The following GRIA1 variants were observed in gnomAD, a reference collection of about 807,000 sequenced individuals.
GRIA1 encodes glutamate receptor 1.
A neutral mutation model predicts 99.2 loss-of-function variants in GRIA1; 31 were observed. The observed-to-expected ratio is 0.31, with a 90% CI of 0.23 to 0.42. The LOEUF (loss-of-function observed/expected upper bound fraction) is 0.42. Among genes scored for constraint, GRIA1 ranks in the 10% least tolerant of loss-of-function variants. GRIA1 has a pLI of 1.00. For missense variants in GRIA1, 782 were observed against 1,157.5 expected (o/e 0.68, Z 4.71); for synonymous variants, 438 against 432.4 (o/e 1.01, Z -0.16).
rs267600501 is a variant in GRIA1, at chr5:153,811,157, A to G, written c.2653A>G (p.Lys885Glu). 36 of 1,614,018 alleles carry G rather than the reference A, an allele frequency of 2.2e-5. No individual in the cohort carries two copies. Among genetic ancestry groups the G allele is most frequent in the Non-Finnish European group, 3.1e-5 (36 of 1,180,020 alleles). Residue 885 changes from lysine (K) to glutamate (E), a missense_variant, in exon 16 of 16, where the codon AAG becomes GAG. Lys to Glu is a moderately conservative substitution (Grantham distance 56). Transcript: ENST00000285900. The stretch of plus-strand genomic sequence containing the variant: ...TCGGGTGGTCAGCCATGACTTCCCC[A>G]AGTCCATGCAATCGATTCCTTGCAT... The part of the protein sequence containing the change: ...NGRVVSHDFP[K>E]SMQSIPCMSH...
chr5:153,624,343 TG>T (rs762600281), intron 2 of GRIA1, among the ~76,000 whole-genome samples: 1 of 152,166 alleles, frequency 6.6e-6, no homozygotes, highest in Non-Finnish European at 1.5e-5. Context: ...AGGCTCACCT[TG>T]GGTTGAGGGT....
At chr5:153,629,133 G>A (rs538579542) in intron 2 of GRIA1, among the ~76,000 whole-genome samples, 1 of 152,310 alleles carries the variant, frequency 6.6e-6, no homozygotes, top group African/African-American at 2.4e-5. Context: ...TGCCCTGGAT[G>A]GTTTGCATGC....
Position 153,650,415 on chromosome 5 carries a change from G to A in GRIA1, c.546G>A (p.Glu182=), listed in dbSNP as rs1754469794. ...CAGTCAACATTTTGACAACCACAGA[G>A]GAGGGATACCGGATGCTCTTTCAGG... is the stretch of plus-strand genomic sequence containing the variant. ...VTAVNILTTT[E]EGYRMLFQDL... Residue 182 remains glutamate (E), a synonymous_variant, in exon 4 of 16, where the codon GAG becomes GAA. Transcript: ENST00000285900. 1.2e-6 allele frequency: 2 copies of A among 1,614,072 alleles called. No individual in the cohort carries two copies. Among genetic ancestry groups the A allele is most frequent in the Non-Finnish European group, 1.7e-6 (2 of 1,179,978 alleles).
chr5:153,663,143 A>C (rs960626089), intron 5 of GRIA1, among the ~76,000 whole-genome samples: 5 of 152,200 alleles, frequency 3.3e-5, no homozygotes, highest in Middle Eastern at 3.2e-3. Flanking sequence ...ATTCACCCCC[A>C]TCCTCTGAGA....
intron 11 of GRIA1, among the ~76,000 whole-genome samples, chr5:153,762,782 G>A (rs1456972280): frequency 6.6e-6 from 1 of 152,150 alleles, no homozygotes; most frequent in African/African-American, 2.4e-5. Context: ...CAGAAATGGA[G>A]AAACACTCTC....
In GRIA1 at chr5:153,490,848, G is replaced by T; in HGVS notation, c.-41G>T. The T allele has an allele frequency of 7.0e-7, 1 of 1,431,012 alleles. No homozygotes were observed. The highest frequency in any genetic ancestry group is 1.1e-5 in the South Asian group (1 of 87,328). 88.6% of individuals were successfully genotyped at this position (1,431,012 alleles called of 1,614,324 possible). The stretch of plus-strand genomic sequence containing the variant: ...AAAGGGGGGGAAACACCAAATCTAT[G>T]ATTGGACCTGGGCTTCTTTTTCGCC... On this transcript the variant is annotated 5_prime_UTR_variant, in exon 1 of 16. It removes an upstream start codon present in the reference 5' UTR. Transcript: ENST00000285900.
At chr5:153,674,981 C>T (rs565372280) in intron 6 of GRIA1, among the ~76,000 whole-genome samples, 18 of 152,240 alleles carry the variant, frequency 1.2e-4, no homozygotes, top group Admixed American at 1.0e-3. Context: ...CATCCACATA[C>T]GGCTGCTGCC....
At position 153,599,864 on chromosome 5, in the gene GRIA1, T is replaced by G. The variant is rs76492748; in HGVS notation, c.221-47064T>G. Among the ~76,000 whole-genome samples, 11 of 151,686 alleles carry G rather than the reference T, an allele frequency of 7.3e-5. No homozygotes were observed. The East Asian group carries it at 1.9e-3, about 27-fold the overall frequency. ...AGAGAAAATGGGACTTTGAAGTAAATGAAGGGAGGGGAAAAGAAAAATGTG... is the reference window on the plus strand; with the variant it reads ...AGAGAAAATGGGACTTTGAAGTAAAGGAAGGGAGGGGAAAAGAAAAATGTG... On this transcript the variant is annotated intron_variant, in intron 2 of 15. Transcript: ENST00000285900.
intron 13 of GRIA1, among the ~76,000 whole-genome samples, chr5:153,791,545 T>A (rs1424712959): frequency 6.6e-6 from 1 of 152,100 alleles, no homozygotes; most frequent in Admixed American, 6.5e-5. Flanking sequence ...GCACTCAGCG[T>A]GAAGCACAAT....
intron 2 of GRIA1, among the ~76,000 whole-genome samples, chr5:153,607,112 A>T (rs1470104506): frequency 4.7e-5 from 7 of 148,564 alleles, no homozygotes; most frequent in African/African-American, 1.7e-4. Flanking sequence ...GGGCATTTGC[A>T]TTGGTTTCAC....
intron 2 of GRIA1, among the ~76,000 whole-genome samples, chr5:153,637,164 G>A (rs1241311750): frequency 6.6e-6 from 1 of 152,116 alleles, no homozygotes; most frequent in Admixed American, 6.5e-5. Flanking sequence ...GAAGAAGAAT[G>A]GTACTTTTCT....
At chr5:153,680,015 T>G (rs1236517415) in intron 7 of GRIA1, among the ~76,000 whole-genome samples, 2 of 152,184 alleles carry the variant, frequency 1.3e-5, no homozygotes, top group Non-Finnish European at 1.5e-5. Flanking sequence ...GGTTTGTAAA[T>G]GGAGAAGCCG....
chr5:153,692,382 C>A (rs762024403), intron 8 of GRIA1, among the ~76,000 whole-genome samples: 1 of 152,184 alleles, frequency 6.6e-6, no homozygotes, highest in African/African-American at 2.4e-5. Context: ...TTTTGTACAG[C>A]CCATGAGCTA....
At position 153,698,106 on chromosome 5, in the gene GRIA1, C is replaced by A. The variant is rs772173588; in HGVS notation, c.1197C>A (p.Gly399=). 6.2e-7 allele frequency: 1 copy of A among 1,610,596 alleles called. No homozygotes were observed. The highest frequency in any genetic ancestry group is 1.1e-5 in the South Asian group (1 of 90,988). ...VPAATDAQAG[G]DNSSVQNRTY... is the part of the protein sequence containing the mutation. ...CAGCCACCGATGCCCAAGCTGGGGG[C>A]GATAATTCAAGTGTTCAGAACAGAA... The change falls in exon 9 of 16, where the codon GGC becomes GGA. Residue 399 remains glycine (G), a synonymous_variant. Coordinates refer to ENST00000285900, the MANE Select transcript of GRIA1 (RefSeq NM_000827.4).
At chr5:153,659,755 T>C (rs2963941) in intron 5 of GRIA1, among the ~76,000 whole-genome samples, 61,605 of 151,952 alleles carry the variant, frequency 0.41, 13,195 homozygotes, top group Non-Finnish European at 0.45. Context: ...TTTAGAATTT[T>C]ACTGGAATGA....
At chr5:153,632,072 G>A (rs1753019530) in intron 2 of GRIA1, among the ~76,000 whole-genome samples, 1 of 152,306 alleles carries the variant, frequency 6.6e-6, no homozygotes, top group Non-Finnish European at 1.5e-5. Flanking sequence ...AAGCATGAGG[G>A]GCTTGAGGGG....
chr5:153,528,239 T>G (rs1757787054), intron 2 of GRIA1, among the ~76,000 whole-genome samples: 1 of 152,200 alleles, frequency 6.6e-6, no homozygotes, highest in Admixed American at 6.5e-5. Flanking sequence ...TGAATAAATG[T>G]CTTTTAAATT....
At chr5:153,745,842 A>G (rs1762123019) in intron 11 of GRIA1, among the ~76,000 whole-genome samples, 1 of 152,090 alleles carries the variant, frequency 6.6e-6, no homozygotes, top group African/African-American at 2.4e-5. Flanking sequence ...CTGTTTTACA[A>G]TCTGATTTTT....
At chr5:153,707,783 A>G (rs957722317) in intron 11 of GRIA1, among the ~76,000 whole-genome samples, 10 of 149,768 alleles carry the variant, frequency 6.7e-5, no homozygotes, top group Non-Finnish European at 8.9e-5. Context: ...CTCATCGTTC[A>G]TTATAATCTT....
Sources: gnomAD v4.1 joint callset for allele counts (sites outside exome capture counted in the v4.1 genomes callset) on GRCh38, gnomAD v4.1.1 for gene constraint, MANE v1.5 for transcripts, NCBI Gene and HGNC (gene_info 2026-07-23, HGNC 2026-07-21) for gene names.